The following LOC400499 variants were observed in gnomAD, a reference collection of about 807,000 sequenced individuals.
chr16:11,384,023 G>C, the LOC400499 span: 7 of 1,231,802 alleles, frequency 5.7e-6, no homozygotes, highest in Non-Finnish European at 7.1e-6. Flanking sequence ...CAGGATGGAT[G>C]CAAGACTCAG....
At chr16:11,374,739 G>T in the LOC400499 span, among the ~76,000 whole-genome samples, 4 of 152,202 alleles carry the variant, frequency 2.6e-5, no homozygotes, top group African/African-American at 9.6e-5. Context: ...TTGGGTTGCT[G>T]CTGTCTTCTG....
At chr16:11,382,598 G>C in the LOC400499 span, among the ~76,000 whole-genome samples, 2 of 152,122 alleles carry the variant, frequency 1.3e-5, no homozygotes, top group Non-Finnish European at 2.9e-5. Flanking sequence ...TGTGGTGTGA[G>C]AGCAGAGAGA....
the LOC400499 span, among the ~76,000 whole-genome samples, chr16:11,388,215 A>G: frequency 2.0e-5 from 3 of 152,078 alleles, no homozygotes; most frequent in African/African-American, 7.2e-5. Context: ...ACCCCCACCT[A>G]GCAGTGACAG....
the LOC400499 span, among the ~76,000 whole-genome samples, chr16:11,436,348 T>A: frequency 1.3e-5 from 2 of 152,072 alleles, no homozygotes; most frequent in African/African-American, 4.8e-5. Context: ...GGCATCTGGG[T>A]ACCCAAGTGG....
the LOC400499 span, chr16:11,401,271 G>A: frequency 5.0e-6 from 2 of 399,084 alleles, no homozygotes; most frequent in East Asian, 7.1e-5. Flanking sequence ...CTCACCTGCC[G>A]GCTCTGCCTG....
chr16:11,524,538 C>T, the LOC400499 span, among the ~76,000 whole-genome samples: 1 of 152,082 alleles, frequency 6.6e-6, no homozygotes, highest in Admixed American at 6.5e-5. Context: ...AATGGAACAC[C>T]AGCAAGACCA....
At chr16:11,442,124 T>G in the LOC400499 span, 2 of 152,208 alleles carry the variant, frequency 1.3e-5, no homozygotes, top group Non-Finnish European at 2.9e-5. Context: ...CTTTAAAGGG[T>G]GCTCGGCTTT....
At chr16:11,448,223 C>T in the LOC400499 span, 4 of 972,870 alleles carry the variant, frequency 4.1e-6, no homozygotes, top group Non-Finnish European at 5.9e-6. Context: ...TGAGCCACAG[C>T]CTCCACCCTG....
At chr16:11,398,890 C>T in the LOC400499 span, among the ~76,000 whole-genome samples, 1 of 152,098 alleles carries the variant, frequency 6.6e-6, no homozygotes. Context: ...GTGATCCCCC[C>T]ACCTCAGCCT....
At chr16:11,415,719 TGGGAGAA>T in the LOC400499 span, among the ~76,000 whole-genome samples, 1 of 151,980 alleles carries the variant, frequency 6.6e-6, no homozygotes, top group East Asian at 1.9e-4. Flanking sequence ...TGGACAGCAG[TGGGAGAA>T]GGGAGAAGTC....
At chr16:11,444,946 TGTG>T in the LOC400499 span, among the ~76,000 whole-genome samples, 1 of 151,324 alleles carries the variant, frequency 6.6e-6, no homozygotes, top group Non-Finnish European at 1.5e-5. Flanking sequence ...AATAACCAGG[TGTG>T]GTGGTAATGT....
the LOC400499 span, among the ~76,000 whole-genome samples, chr16:11,434,912 C>T: frequency 1.9e-4 from 29 of 152,282 alleles, no homozygotes; most frequent in Admixed American, 3.9e-4. Context: ...AGACATGAGA[C>T]CAGACGGAGA....
At chr16:11,434,064 A>G in the LOC400499 span, among the ~76,000 whole-genome samples, 2 of 152,162 alleles carry the variant, frequency 1.3e-5, no homozygotes, top group South Asian at 4.1e-4. Flanking sequence ...GAGGACAGGA[A>G]GGGTCTATAG....
At chr16:11,408,717 C>G in the LOC400499 span, among the ~76,000 whole-genome samples, 4 of 152,070 alleles carry the variant, frequency 2.6e-5, no homozygotes, top group Non-Finnish European at 5.9e-5. Context: ...CCTTCCTTGG[C>G]CTCCCAAAGT....
chr16:11,523,548 G>T, the LOC400499 span: 2 of 397,908 alleles, frequency 5.0e-6, no homozygotes, highest in South Asian at 2.7e-4. Flanking sequence ...ATGGGCCACT[G>T]ACCTTACTCT....
At chr16:11,501,220 C>T in the LOC400499 span, among the ~76,000 whole-genome samples, 3 of 152,044 alleles carry the variant, frequency 2.0e-5, no homozygotes, top group African/African-American at 4.8e-5. Flanking sequence ...AACACAAGTC[C>T]GTACCCAGTG....
chr16:11,382,185 A>G, the LOC400499 span, among the ~76,000 whole-genome samples: 2 of 151,852 alleles, frequency 1.3e-5, no homozygotes, highest in African/African-American at 4.8e-5. Flanking sequence ...TGATCTGCCC[A>G]TCTTGGCCTC....
the LOC400499 span, chr16:11,398,228 G>A: frequency 9.4e-6 from 8 of 851,064 alleles, no homozygotes; most frequent in African/African-American, 5.3e-5. Context: ...GCAGAGCCAC[G>A]ATGGTGGCGT....
the LOC400499 span, chr16:11,414,702 A>G: frequency 5.0e-6 from 2 of 396,586 alleles, no homozygotes; most frequent in South Asian, 1.4e-4. Flanking sequence ...CATCTGTCAT[A>G]ATTTGTCCCT....
Sources: gnomAD v4.1 joint callset for allele counts (sites outside exome capture counted in the v4.1 genomes callset) on GRCh38, gnomAD v4.1.1 for gene constraint, MANE v1.5 for transcripts.